Variants in DHX35 observed in about 807,000 individuals in gnomAD.
The protein encoded by DHX35 is probable ATP-dependent RNA helicase DHX35.
A neutral mutation model predicts 99.6 loss-of-function variants in DHX35; 84 were observed. The observed-to-expected ratio is 0.84, with a 90% CI of 0.71 to 1.01. DHX35 has a LOEUF of 1.01. Ranked by LOEUF, DHX35 falls within the 50% of genes least tolerant of loss-of-function variation. The pLI, the probability that DHX35 is intolerant of heterozygous loss-of-function variation, is 0.00. For synonymous variants in DHX35, 331 were observed against 316.2 expected, an observed-to-expected ratio of 1.05 and a Z score of -0.50; for missense variants, 852 against 888.5, an observed-to-expected ratio of 0.96 and a Z score of 0.52.
chr20:38,993,574 A>G (rs1397904679), intron 7 of DHX35, among the ~76,000 whole-genome samples: 1 of 152,136 alleles, frequency 6.6e-6, no homozygotes, highest in Non-Finnish European at 1.5e-5. Flanking sequence ...CATGTTAGTC[A>G]GGCTGGTCTT....
At position 39,014,939 on chromosome 20, in the gene DHX35, G is replaced by C; in HGVS notation, c.1402+5G>C. The C allele has an allele frequency of 6.2e-7, 1 of 1,614,096 alleles. No individual in the cohort carries two copies. Among genetic ancestry groups the C allele is most frequent in the Non-Finnish European group, 8.5e-7 (1 of 1,179,980 alleles). On this transcript the variant is annotated splice_donor_5th_base_variant and intron_variant, in intron 14 of 21. Coordinates refer to ENST00000252011, the MANE Select transcript of DHX35 (RefSeq NM_021931.4). ...AGTTACTGTATGCTCTGGGAGGTAT[G>C]CCAGTTTCTCTCATCATTCTCTCTT...
intron 16 of DHX35, among the ~76,000 whole-genome samples, chr20:39,022,911 A>G (rs1249391168): frequency 6.6e-6 from 1 of 152,222 alleles, no homozygotes; most frequent in African/African-American, 2.4e-5. Context: ...TGAAAGTCAG[A>G]GAATTAGCAG....
At chr20:39,021,375 C>T (rs2086869404) in intron 15 of DHX35, among the ~76,000 whole-genome samples, 1 of 152,250 alleles carries the variant, frequency 6.6e-6, no homozygotes, top group Non-Finnish European at 1.5e-5. Flanking sequence ...CCCTATATTT[C>T]AGCTGCAGAG....
At chr20:39,005,958 A>T (rs1235104493) in intron 11 of DHX35, among the ~76,000 whole-genome samples, 188 bp from the exon 12 acceptor site, 1 of 152,146 alleles carries the variant, frequency 6.6e-6, no homozygotes, top group African/African-American at 2.4e-5. Flanking sequence ...GTCCAGGGTC[A>T]CATGATTAGG....
intron 1 of DHX35, among the ~76,000 whole-genome samples, chr20:38,967,853 A>G (rs2085932497): frequency 6.6e-6 from 1 of 152,136 alleles, no homozygotes; most frequent in Non-Finnish European, 1.5e-5. Context: ...TCCACTGGCC[A>G]TGGTTGATTG....
intron 15 of DHX35, among the ~76,000 whole-genome samples, chr20:39,020,956 C>T (rs2086863380): frequency 6.6e-6 from 1 of 152,138 alleles, no homozygotes; most frequent in South Asian, 2.1e-4. Flanking sequence ...AGCTACCACA[C>T]CTGGCCGAGA....
At chr20:38,992,282 G>C (rs527272463) in intron 6 of DHX35, 74 bp from the exon 7 acceptor site, 1 of 1,242,688 alleles carries the variant, frequency 8.0e-7, no homozygotes, top group East Asian at 2.3e-5. Context: ...ATACCCAGAA[G>C]CTCTTTGATG....
intron 14 of DHX35, 23 bp from the exon 15 acceptor site, chr20:39,018,781 T>A: frequency 6.2e-7 from 1 of 1,610,716 alleles, no homozygotes; most frequent in Non-Finnish European, 8.5e-7. Context: ...GCCTTCTGAT[T>A]TCTTTTGTTG....
Position 39,001,737 on chromosome 20 carries a change from G to A in DHX35, c.650G>A (p.Arg217Gln), listed in dbSNP as rs780595580. Residue 217 changes from arginine to glutamine, a missense_variant, in exon 9 of 22, where the codon CGG (arginine) becomes CAG (glutamine). By Grantham distance (43) the Arg-to-Gln change is conservative. Transcript: ENST00000252011. Reference sequence around the variant, plus strand: ...TAATTTTTTTCTTTTTAGAAATTCCGGGATTTCTTTAATCAAAATGAAACC... The same window carrying A: ...TAATTTTTTTCTTTTTAGAAATTCCAGGATTTCTTTAATCAAAATGAAACC... ...ASATLDADKF[R>Q]DFFNQNETSD... 18 of 1,602,604 alleles carry A rather than the reference G, an allele frequency of 1.1e-5. No homozygotes were observed. The highest frequency in any genetic ancestry group is 4.0e-5 in the African/African-American group (3 of 74,296).
chr20:39,012,825 G>A (rs558538620), intron 13 of DHX35, among the ~76,000 whole-genome samples: 22 of 152,222 alleles, frequency 1.4e-4, no homozygotes, highest in African/African-American at 4.1e-4. Context: ...GCCACTGTGC[G>A]CAGTTGACTT....
In DHX35 at chr20:39,027,072, C is replaced by T. The variant is rs144415746; in HGVS notation, c.1802-1346C>T. Among the ~76,000 whole-genome samples the T allele has an allele frequency of 6.6e-3, 1,012 of 152,204 alleles. 14 individuals carry two copies. Among genetic ancestry groups the T allele is most frequent in the African/African-American group, 0.024 (977 of 41,524 alleles). ...GCCATTGTAGTGTCTAAGATGCTCCCCTCCCCCTGCCTCCAAGAACCAGTT... is the reference window on the plus strand; with the variant it reads ...GCCATTGTAGTGTCTAAGATGCTCCTCTCCCCCTGCCTCCAAGAACCAGTT... On this transcript the variant is annotated intron_variant, in intron 18 of 21. Coordinates refer to ENST00000252011, the MANE Select transcript of DHX35 (RefSeq NM_021931.4).
rs1473282658 is a variant in DHX35, at chr20:39,018,828, C to T, written c.1427C>T (p.Thr476Ile). 4 of 1,613,970 alleles carry T rather than the reference C, an allele frequency of 2.5e-6. No individual in the cohort carries two copies. The highest frequency in any genetic ancestry group is 1.7e-4 in the Middle Eastern group (1 of 6,060). Residue 476 changes from threonine (T) to isoleucine (I), a missense_variant, in exon 15 of 22, where the codon ACT becomes ATT. Coordinates refer to ENST00000252011, the MANE Select transcript of DHX35 (RefSeq NM_021931.4). ...GGTCTGGACAAAGACTGTCGCCTAA[C>T]TGAACCGCTTGGCATGAGAATTGCA... ...LGGLDKDCRL[T>I]EPLGMRIAEF...
rs56917718 is a variant in DHX35 at position 39,003,012 on chromosome 20, G to A, written c.852+144G>A. On this transcript the variant is annotated intron_variant, in intron 10 of 21. Transcript: ENST00000252011. ...TAATTGTGTAGAAAATTGATTTGAT[G>A]TCATTCATCTACCATCTAGATTGTC... is the stretch of plus-strand genomic sequence containing the variant. 1,833 of 717,246 alleles carry A rather than the reference G, an allele frequency of 2.6e-3. 25 individuals are homozygous for A. In the African/African-American group the frequency reaches 0.029, roughly 11 times the overall value. 44.4% of individuals were successfully genotyped at this position (717,246 alleles called of 1,614,324 possible).
chr20:38,968,579 G>A (rs575556796), intron 1 of DHX35, among the ~76,000 whole-genome samples: 99 of 152,040 alleles, frequency 6.5e-4, no homozygotes, highest in African/African-American at 2.3e-3. Flanking sequence ...ACAGAGTCTT[G>A]CTCTGTCGCC....
At chr20:39,011,618 G>A (rs560882237) in intron 13 of DHX35, among the ~76,000 whole-genome samples, 1 of 152,330 alleles carries the variant, frequency 6.6e-6, no homozygotes, top group East Asian at 1.9e-4. Flanking sequence ...TAGGATTATA[G>A]GCGTGAGCCA....
intron 8 of DHX35, among the ~76,000 whole-genome samples, chr20:38,996,529 T>A (rs1243625144): frequency 6.6e-6 from 1 of 152,200 alleles, no homozygotes; most frequent in Non-Finnish European, 1.5e-5. Flanking sequence ...TCATCATGTT[T>A]GAGCTCTATA....
intron 3 of DHX35, among the ~76,000 whole-genome samples, chr20:38,983,219 A>C (rs2086200505): frequency 6.6e-6 from 1 of 152,234 alleles, no homozygotes; most frequent in South Asian, 2.1e-4. Context: ...GTGCCTGTTC[A>C]ATCAAATTTT....
At chr20:39,017,566 C>G (rs376636749) in intron 14 of DHX35, among the ~76,000 whole-genome samples, 1 of 152,194 alleles carries the variant, frequency 6.6e-6, no homozygotes, top group Admixed American at 6.5e-5. Context: ...CGCCTCCCCC[C>G]GCCAGCTTCA....
chr20:39,025,816 C>T (rs150982373), intron 18 of DHX35, among the ~76,000 whole-genome samples: 3 of 152,338 alleles, frequency 2.0e-5, no homozygotes, highest in African/African-American at 4.8e-5. Flanking sequence ...CTATGTAAGA[C>T]GTAGTCTCTG....
Sources: allele counts gnomAD v4.1 joint callset (sites outside exome capture counted in the v4.1 genomes callset), GRCh38; gene constraint gnomAD v4.1.1; transcripts MANE v1.5; gene names NCBI Gene and HGNC (gene_info 2026-07-23, HGNC 2026-07-21).